Variants in MTRR observed in about 807,000 individuals in gnomAD.
MTRR encodes 5-methyltetrahydrofolate-homocysteine methyltransferase reductase.
In MTRR, 63 loss-of-function variants were observed where a neutral mutation model predicts 79.2. The ratio of observed to expected loss-of-function variants is 0.80; its 90% confidence interval spans 0.65 to 0.98. The LOEUF is 0.98. MTRR is among the 50% of genes least tolerant of loss of function. The pLI is 0.00. For missense variants in MTRR, 895 were observed against 839.6 expected (o/e 1.07, Z -0.82); for synonymous variants, 355 against 313.3 (o/e 1.13, Z -1.41).
At chr5:7,887,225 G>T (rs779021816) in intron 8 of MTRR, among the ~76,000 whole-genome samples, 8 of 152,034 alleles carry the variant, frequency 5.3e-5, no homozygotes, top group African/African-American at 1.9e-4. Context: ...AAGGGTTTTG[G>T]TAGGTAATAA....
chr5:7,884,772 A>G (rs570122160), intron 6 of MTRR, among the ~76,000 whole-genome samples: 1 of 152,276 alleles, frequency 6.6e-6, no homozygotes, highest in Admixed American at 6.5e-5. Context: ...CATTTAGCTC[A>G]ACCGTTTATT....
chr5:7,888,921 G>A (rs1737071100), intron 8 of MTRR, among the ~76,000 whole-genome samples, 174 bp from the exon 9 acceptor site: 1 of 152,070 alleles, frequency 6.6e-6, no homozygotes, highest in Admixed American at 6.6e-5. Context: ...TTTCTAACAG[G>A]TCAACATTAA....
At chr5:7,873,350 G>A in intron 2 of MTRR, 23 bp from the exon 3 acceptor site, 1 of 1,614,078 alleles carries the variant, frequency 6.2e-7, no homozygotes, top group African/African-American at 1.3e-5. Context: ...TTAGGTCCCT[G>A]ACTTGATATC....
intron 5 of MTRR, among the ~76,000 whole-genome samples, chr5:7,880,943 C>T (rs1561201787): frequency 6.6e-6 from 1 of 152,136 alleles, no homozygotes; most frequent in Non-Finnish European, 1.5e-5. Context: ...TACATTTCCC[C>T]TTTGGGAGAA....
intron 6 of MTRR, among the ~76,000 whole-genome samples, chr5:7,884,622 G>A (rs1736115663): frequency 1.3e-5 from 2 of 152,136 alleles, no homozygotes; most frequent in Non-Finnish European, 2.9e-5. Context: ...TTTACGTACA[G>A]TTTTAGTCTG....
At chr5:7,853,191 C>T (rs326206) in intron 1 of MTRR, among the ~76,000 whole-genome samples, 3 of 152,074 alleles carry the variant, frequency 2.0e-5, no homozygotes, top group Non-Finnish European at 4.4e-5. Flanking sequence ...TCCTGGGGGC[C>T]ATTTCCCCCA....
At chr5:7,868,651 GA>G (rs1321227212), upstream of MTRR, among the ~76,000 whole-genome samples, 1 of 152,186 alleles carries the variant, frequency 6.6e-6, no homozygotes, top group Non-Finnish European at 1.5e-5. Flanking sequence ...AGTGTTGAAG[GA>G]AAGGGTCTAC....
chr5:7,887,788 G>GCA (rs1736770907), intron 8 of MTRR, among the ~76,000 whole-genome samples: 1 of 84,354 alleles, frequency 1.2e-5, no homozygotes, highest in African/African-American at 5.8e-5. Flanking sequence ...GTGTGTGTGT[G>GCA]TGTGCATATA....
chr5:7,884,578 T>C (rs1289449364), intron 6 of MTRR, among the ~76,000 whole-genome samples: 1 of 152,194 alleles, frequency 6.6e-6, no homozygotes, highest in Non-Finnish European at 1.5e-5. Context: ...GTGGAGAACC[T>C]GAGGATATGG....
rs16879367 is a variant in MTRR, at chr5:7,898,620, G to A, written c.1953-1294G>A. ...AAGAGGGTGCTGTTTCAGAGAGGGA[G>A]CCTGTACTGCTGATGAGTCAAATGA... On this transcript the variant is annotated intron_variant, in intron 14 of 14. Transcript: ENST00000440940. Among the ~76,000 whole-genome samples the A allele has an allele frequency of 5.7e-3, 864 of 152,296 alleles. 6 individuals are homozygous for A. Among genetic ancestry groups the A allele is most frequent in the African/African-American group, 0.02 (825 of 41,566 alleles).
intron 1 of MTRR, among the ~76,000 whole-genome samples, chr5:7,855,569 G>C (rs1326741995): frequency 2.0e-5 from 3 of 151,908 alleles, no homozygotes; most frequent in Non-Finnish European, 4.4e-5. Flanking sequence ...GAGCAGTGGC[G>C]TGATCATAGC....
rs909384475 is a variant in MTRR, at chr5:7,901,029, T to G, written c.*971T>G. 4 of 152,160 alleles carry G rather than the reference T, an allele frequency of 2.6e-5. No homozygotes were observed. Among genetic ancestry groups the G allele is most frequent in the African/African-American group, 9.7e-5 (4 of 41,446 alleles). 9.4% of individuals were successfully genotyped at this position (152,160 alleles called of 1,614,324 possible). A position where few individuals can be genotyped will look rare whatever the true frequency, so the allele number is the denominator to read the frequency against. On this transcript the variant is annotated 3_prime_UTR_variant, in exon 15 of 15. Coordinates refer to ENST00000440940, the MANE Select transcript of MTRR (RefSeq NM_002454.3). ...CTCCACTGTTCTAATATATATTGTATTTTTATTTGATAGCTTGGGATTTAA... is the reference window on the plus strand; with the variant it reads ...CTCCACTGTTCTAATATATATTGTAGTTTTATTTGATAGCTTGGGATTTAA...
chr5:7,860,295 A>G (rs1746443912), intron 1 of MTRR, among the ~76,000 whole-genome samples: 1 of 152,306 alleles, frequency 6.6e-6, no homozygotes, highest in East Asian at 1.9e-4. Context: ...GGCAGCGCTC[A>G]TTCTCACGCA....
Position 7,870,833 on chromosome 5 carries a change from A to G in MTRR, c.39A>G (p.Gly13=), listed in dbSNP as rs752509731. The G allele has an allele frequency of 1.2e-5, 20 of 1,614,258 alleles. No homozygotes were observed. Among genetic ancestry groups the G allele is most frequent in the Non-Finnish European group, 1.5e-5 (18 of 1,180,040 alleles). ...TGTTACTATATGCTACACAGCAGGG[A>G]CAGGCAAAGGCCATCGCAGAAGAAA... is the stretch of plus-strand genomic sequence containing the variant. ...RFLLLYATQQ[G]QAKAIAEEIC... The change falls in exon 2 of 15, where the codon GGA becomes GGG. Residue 13 remains glycine (G), a synonymous_variant. Transcript: ENST00000440940.
At chr5:7,892,030 A>AC in intron 10 of MTRR, among the ~76,000 whole-genome samples, 1 of 152,086 alleles carries the variant, frequency 6.6e-6, no homozygotes, top group East Asian at 1.9e-4. Context: ...CGACAGTGAT[A>AC]CCCTGTCTCA....
chr5:7,894,021 C>T (rs1738082719), intron 11 of MTRR, among the ~76,000 whole-genome samples: 1 of 152,122 alleles, frequency 6.6e-6, no homozygotes, highest in Non-Finnish European at 1.5e-5. Context: ...AGCAGATGAT[C>T]TCCAGAACAT....
At position 7,878,243 on chromosome 5, in the gene MTRR, C is replaced by G; in HGVS notation, c.701C>G (p.Pro234Arg). The change falls in exon 5 of 15, where the codon CCA becomes CGA. Residue 234 changes from proline to arginine, a missense_variant. Transcript: ENST00000440940. The stretch of plus-strand genomic sequence containing the variant: ...TCCTCACTTACCCGTTCGGTACCCC[C>G]ACTCTCACAAGCCTCTCTGAATATT... ...FESSLTRSVPPLSQASLNIPG... is the reference protein window; with the variant it reads ...FESSLTRSVPRLSQASLNIPG... 1 of 1,614,204 alleles carries G rather than the reference C, an allele frequency of 6.2e-7. No homozygotes were observed. The highest frequency in any genetic ancestry group is 8.5e-7 in the Non-Finnish European group (1 of 1,180,032).
rs760463122 is a variant in MTRR at position 7,861,794 on chromosome 5, C to T, written n.392-157C>T. On this transcript the variant is annotated intron_variant and non_coding_transcript_variant, in intron 1 of 3. Coordinates refer to the MTRR transcript ENST00000502509. ...GAAGGCTGCAAAGTAATGACCACAA[C>T]CAAACAATGGTGAGAATTTTAATTC... 21 of 1,392,914 alleles carry T rather than the reference C, an allele frequency of 1.5e-5. No homozygotes were observed. In the South Asian group the frequency reaches 3.4e-4, roughly 23 times the overall value. 86.3% of individuals were successfully genotyped at this position (1,392,914 alleles called of 1,614,324 possible).
chr5:7,877,883 T>A, intron 4 of MTRR, 61 bp from the exon 5 acceptor site: 1 of 1,600,038 alleles, frequency 6.2e-7, no homozygotes, highest in Non-Finnish European at 8.5e-7. Context: ...ATTATCCTGT[T>A]CTGTGTTCAG....
Sources: allele counts gnomAD v4.1 joint callset (sites outside exome capture counted in the v4.1 genomes callset), GRCh38; gene constraint gnomAD v4.1.1; transcripts MANE v1.5; gene names NCBI Gene and HGNC (gene_info 2026-07-23, HGNC 2026-07-21).